The following STK38L variants were observed in gnomAD, a reference collection of about 807,000 sequenced individuals.
STK38L encodes the protein serine/threonine-protein kinase 38-like.
STK38L carries 28 observed loss-of-function variants against 59.7 expected under a neutral mutation model. The ratio of observed to expected loss-of-function variants is 0.47; its 90% CI spans 0.35 to 0.64. The LOEUF (loss-of-function observed/expected upper bound fraction) is 0.64, where lower values mean the gene tolerates loss of function less well. Among genes scored for constraint, STK38L ranks in the 30% least tolerant of loss-of-function variants. The probability of loss-of-function intolerance (pLI) is 0.01; values close to 1 mark genes in which losing one functional copy is unlikely to be tolerated. For synonymous variants in STK38L, 162 were observed against 176.8 expected (o/e 0.92, Z 0.66); for missense variants, 314 against 555.8 (o/e 0.56, Z 4.37).
chr12:27,254,269 GAAGTCC>G lies in STK38L; in HGVS notation c.-12+9938_-12+9943del, dbSNP rs1346884353. 4.6e-5 allele frequency among the ~76,000 whole-genome samples: 7 copies of G among 152,246 alleles called. No individual in the cohort carries two copies. The South Asian group carries it at 1.2e-3, about 27-fold the overall frequency. On this transcript the variant is annotated intron_variant, in intron 1 of 13. Transcript: ENST00000389032. ...TCCCAAGACTGTAATACCTAATAATGAAGTCCTTTTATTCTAGTTCTAGCCTTGATT... is the reference window on the plus strand; with the variant it reads ...TCCCAAGACTGTAATACCTAATAATGTTTTATTCTAGTTCTAGCCTTGATT...
chr12:27,291,526 C>T lies in STK38L; in HGVS notation c.-11-6184C>T, dbSNP rs560277866. Among the ~76,000 whole-genome samples the T allele has an allele frequency of 7.2e-5, 11 of 152,320 alleles. No homozygotes were observed. The South Asian group carries it at 1.4e-3, about 20-fold the overall frequency. ...TGTGTTTTATCAGTCTTATTCTCAG[C>T]ACTTCATACAGTCAACATGGTATAT... is the stretch of plus-strand genomic sequence containing the variant. On this transcript the variant is annotated intron_variant, in intron 1 of 13. Transcript: ENST00000389032.
rs142755926 is a variant in STK38L at position 27,300,488 on chromosome 12, A to G, written c.135-1649A>G. On this transcript the variant is annotated intron_variant, in intron 2 of 13. Coordinates refer to ENST00000389032, the MANE Select transcript of STK38L (RefSeq NM_015000.4). ...CAGTGGAAATTTGACAGAAGAATAA[A>G]GTTGTTTATATGTTATAGCTCCTCC... The G allele has an allele frequency of 2.7e-3, 1,220 of 454,332 alleles. 20 individuals carry two copies. The highest frequency in any genetic ancestry group is 0.021 in the African/African-American group (1,067 of 50,116). 28.1% of individuals were successfully genotyped at this position (454,332 alleles called of 1,614,324 possible).
intron 1 of STK38L, among the ~76,000 whole-genome samples, chr12:27,279,688 AT>A (rs10666650): frequency 6.8e-4 from 91 of 133,394 alleles, no homozygotes; most frequent in African/African-American, 1.5e-3. Context: ...AAAAAAAAAA[AT>A]TTTTTTTTTT....
At chr12:27,279,892 AT>A (rs1200530776) in intron 1 of STK38L, among the ~76,000 whole-genome samples, 1 of 152,170 alleles carries the variant, frequency 6.6e-6, no homozygotes, top group Admixed American at 6.5e-5. Flanking sequence ...ATGAAAGACC[AT>A]ATAGCTGAGG....
chr12:27,271,989 C>A (rs1033004870), intron 1 of STK38L, among the ~76,000 whole-genome samples: 1 of 152,154 alleles, frequency 6.6e-6, no homozygotes, highest in African/African-American at 2.4e-5. Flanking sequence ...CATGAGCCAC[C>A]GTACTCATTA....
At chr12:27,296,330 G>T (rs1944021154) in intron 1 of STK38L, among the ~76,000 whole-genome samples, 3 of 152,230 alleles carry the variant, frequency 2.0e-5, no homozygotes, top group African/African-American at 7.2e-5. Flanking sequence ...AAAGTAGTCA[G>T]CAGAGGAACA....
Position 27,302,120 on chromosome 12 carries a change from T to A in STK38L, c.135-17T>A. Reference sequence around the variant, plus strand: ...TAGGAATGTATTTAAAATTTAATTTTTTTTTCCTTTGAAAAGGCAGAAGAA... The same window carrying A: ...TAGGAATGTATTTAAAATTTAATTTATTTTTCCTTTGAAAAGGCAGAAGAA... On this transcript the variant is annotated splice_polypyrimidine_tract_variant and intron_variant, in intron 2 of 13. Transcript: ENST00000389032. 1 of 1,596,794 alleles carries A rather than the reference T, an allele frequency of 6.3e-7. No individual in the cohort carries two copies. Among genetic ancestry groups the A allele is most frequent in the Non-Finnish European group, 8.5e-7 (1 of 1,171,148 alleles).
Position 27,323,808 on chromosome 12 carries a change from C to A in STK38L, c.*1353C>A, listed in dbSNP as rs1007087143. The A allele has an allele frequency of 6.6e-6, 1 of 152,088 alleles. No homozygotes were observed. Among genetic ancestry groups the A allele is most frequent in the Admixed American group, 6.5e-5 (1 of 15,276 alleles). 9.4% of individuals were successfully genotyped at this position (152,088 alleles called of 1,614,324 possible). A position where few individuals can be genotyped will look rare whatever the true frequency, so the allele number is the denominator to read the frequency against. On this transcript the variant is annotated 3_prime_UTR_variant, in exon 14 of 14. Transcript: ENST00000389032. ...CTCTCTAAGAATTAAATAATCTTTT[C>A]TAGCTTAATATTTTAATTCTAATTC...
At chr12:27,301,711 AT>A (rs1179006880) in intron 2 of STK38L, among the ~76,000 whole-genome samples, 1 of 152,368 alleles carries the variant, frequency 6.6e-6, no homozygotes, top group Admixed American at 6.5e-5. Flanking sequence ...AGCCAAGCTC[AT>A]TTAGCTAATA....
intron 1 of STK38L, among the ~76,000 whole-genome samples, chr12:27,283,527 C>A (rs1249278976): frequency 6.6e-6 from 1 of 152,188 alleles, no homozygotes; most frequent in Non-Finnish European, 1.5e-5. Context: ...TCTCACAGTT[C>A]ATAAGTGGCA....
intron 1 of STK38L, among the ~76,000 whole-genome samples, chr12:27,285,679 A>C (rs888532634): frequency 1.3e-5 from 2 of 152,172 alleles, no homozygotes; most frequent in South Asian, 2.1e-4. Flanking sequence ...GGTCACACCA[A>C]ACCTTCACTT....
In STK38L at chr12:27,286,812, G is replaced by A. The variant is rs142825285; in HGVS notation, c.-11-10898G>A. ...ACAAATGCATAGGGTGGACAGAAAG[G>A]CACCTCATAACAGACTGGACCTCAC... On this transcript the variant is annotated intron_variant, in intron 1 of 13. Transcript: ENST00000389032. Among the ~76,000 whole-genome samples, 426 of 152,230 alleles carry A rather than the reference G, an allele frequency of 2.8e-3. 3 individuals are homozygous for A. Among genetic ancestry groups the A allele is most frequent in the South Asian group, 0.016 (77 of 4,822 alleles).
intron 9 of STK38L, among the ~76,000 whole-genome samples, 165 bp downstream of exon 9, chr12:27,315,515 T>C (rs906457641): frequency 1.3e-5 from 2 of 152,246 alleles, no homozygotes; most frequent in Non-Finnish European, 2.9e-5. Flanking sequence ...TTAAGTTTCC[T>C]TGCCTGTAAA....
chr12:27,319,010 A>T (rs1479805404), intron 11 of STK38L, among the ~76,000 whole-genome samples: 1 of 152,228 alleles, frequency 6.6e-6, no homozygotes, highest in African/African-American at 2.4e-5. Context: ...CGAAAAAAAA[A>T]TTTATTGAAA....
intron 1 of STK38L, among the ~76,000 whole-genome samples, chr12:27,274,588 A>G (rs1943493679): frequency 6.6e-6 from 1 of 152,242 alleles, no homozygotes; most frequent in South Asian, 2.1e-4. Flanking sequence ...GTGTTTAATA[A>G]TATATCATGT....
intron 1 of STK38L, among the ~76,000 whole-genome samples, chr12:27,257,504 A>T (rs1213935835): frequency 6.6e-6 from 1 of 152,208 alleles, no homozygotes; most frequent in Non-Finnish European, 1.5e-5. Flanking sequence ...CCCAGAAACT[A>T]TAACCTACTC....
At chr12:27,313,370 T>G (rs1398030863) in intron 6 of STK38L, among the ~76,000 whole-genome samples, 2 of 131,596 alleles carry the variant, frequency 1.5e-5, no homozygotes, top group African/African-American at 2.5e-5. Context: ...TTCTGGGTTT[T>G]GTTTTGTTTT....
chr12:27,246,026 G>T (rs997237800), intron 1 of STK38L, among the ~76,000 whole-genome samples: 1 of 152,174 alleles, frequency 6.6e-6, no homozygotes, highest in Non-Finnish European at 1.5e-5. Flanking sequence ...CTAGCCATTT[G>T]CTCTTGAGTT....
intron 1 of STK38L, among the ~76,000 whole-genome samples, chr12:27,244,598 C>G (rs1271307190): frequency 6.6e-6 from 1 of 152,184 alleles, no homozygotes; most frequent in Non-Finnish European, 1.5e-5. Context: ...TCTCCTTCCA[C>G]TCCCCGGCCC....
Sources: allele counts gnomAD v4.1 joint callset (sites outside exome capture counted in the v4.1 genomes callset), GRCh38; gene constraint gnomAD v4.1.1; transcripts MANE v1.5; gene names NCBI Gene and HGNC (gene_info 2026-07-23, HGNC 2026-07-21).